Variants in CD58 observed in about 807,000 individuals in gnomAD.
The protein encoded by CD58 is lymphocyte function-associated antigen 3.
CD58 carries 14 observed loss-of-function variants against 27.6 expected under a neutral mutation model. That is an observed-to-expected ratio of 0.51 (90% CI 0.34 to 0.79). The LOEUF (loss-of-function observed/expected upper bound fraction) is 0.79, where lower values mean the gene tolerates loss of function less well. Among genes scored for constraint, CD58 ranks in the 30% least tolerant of loss-of-function variants. The pLI, the probability that CD58 is intolerant of heterozygous loss-of-function variation, is 0.02. For missense variants in CD58, 268 were observed against 301.7 expected, an observed-to-expected ratio of 0.89 and a Z score of 0.83; for synonymous variants, 117 against 103.8, an observed-to-expected ratio of 1.13 and a Z score of -0.77.
At chr1:116,553,131 T>C (rs1411769994) in intron 1 of CD58, among the ~76,000 whole-genome samples, 1 of 152,038 alleles carries the variant, frequency 6.6e-6, no homozygotes, top group Non-Finnish European at 1.5e-5. Context: ...AGAAATGTCT[T>C]TTCACATCCT....
rs759865733 is a variant in CD58 at position 116,546,217 on chromosome 1, G to A, written c.71-1613C>T. ...AGCTATTTTAAGTTAACATTAAAGA[G>A]CAATTAAAATTTGACTGAAGTTTTT... On this transcript the variant is annotated intron_variant, in intron 1 of 5. Coordinates refer to ENST00000369489, the MANE Select transcript of CD58 (RefSeq NM_001779.3). This position sits in a 1 kb window ranked among gnomAD's most constrained non-coding sequence, Gnocchi z 4.1. Among the ~76,000 whole-genome samples the A allele has an allele frequency of 1.3e-5, 2 of 152,200 alleles. No homozygotes were observed. The highest frequency in any genetic ancestry group is 2.9e-5 in the Non-Finnish European group (2 of 68,034).
At chr1:116,533,716 C>T in intron 3 of CD58, 1 of 686,364 alleles carries the variant, frequency 1.5e-6, no homozygotes, top group Non-Finnish European at 2.7e-6. Context: ...TTCATTTTCA[C>T]GGTGCCATTC....
At chr1:116,568,891 A>T (rs764426482) in intron 1 of CD58, among the ~76,000 whole-genome samples, 40 of 152,270 alleles carry the variant, frequency 2.6e-4, no homozygotes, top group Non-Finnish European at 4.1e-4. Flanking sequence ...CTGCATTTGC[A>T]GCTTCCCTAA....
Position 116,559,237 on chromosome 1 carries a change from G to C in CD58, c.70+11666C>G, listed in dbSNP as rs574392262. On this transcript the variant is annotated intron_variant, in intron 1 of 5. Transcript: ENST00000369489. The surrounding 1 kb of genome is among the most constrained non-coding windows in gnomAD (Gnocchi z 4.4). ...GAACATCTGGGGTGAGAGTGAGAAA[G>C]GAGTTATTTCTTGAGAACACGCCTA... Among the ~76,000 whole-genome samples, 1 of 152,226 alleles carries C rather than the reference G, an allele frequency of 6.6e-6. No individual in the cohort carries two copies. Among genetic ancestry groups the C allele is most frequent in the African/African-American group, 2.4e-5 (1 of 41,528 alleles).
intron 1 of CD58, 108 bp from the exon 2 acceptor site, chr1:116,544,712 C>T (rs1017015592): frequency 1.4e-6 from 1 of 709,928 alleles, no homozygotes; most frequent in Non-Finnish European, 2.3e-6. Context: ...ACACAAAATA[C>T]AGGAAGTAAG....
chr1:116,568,779 TGAAGA>T (rs1659030060), intron 1 of CD58, among the ~76,000 whole-genome samples: 1 of 152,160 alleles, frequency 6.6e-6, no homozygotes. Context: ...GGTACTGAAG[TGAAGA>T]GAAGTTAGGG....
intron 1 of CD58, among the ~76,000 whole-genome samples, chr1:116,551,738 C>CTTT (rs1298283594): frequency 3.1e-5 from 4 of 129,736 alleles, no homozygotes; most frequent in Non-Finnish European, 5.0e-5. Context: ...TTCTTTCTTT[C>CTTT]TTTTTTTTTT....
At chr1:116,564,320 C>T (rs1028109276) in intron 1 of CD58, among the ~76,000 whole-genome samples, 3 of 152,206 alleles carry the variant, frequency 2.0e-5, no homozygotes, top group Admixed American at 2.0e-4. Context: ...CCAAACTTTC[C>T]CACATCTTCC....
intron 1 of CD58, among the ~76,000 whole-genome samples, chr1:116,565,663 G>T (rs747974396): frequency 1.4e-5 from 2 of 142,956 alleles, no homozygotes; most frequent in African/African-American, 5.7e-5. Context: ...CCTTGTTTAA[G>T]AAGGGTAGTT....
rs1657761713 is a variant in CD58 at position 116,535,423 on chromosome 1, C to T, written c.628+542G>A. 2.0e-5 allele frequency among the ~76,000 whole-genome samples: 3 copies of T among 152,134 alleles called. No homozygotes were observed. In the South Asian group the frequency reaches 6.2e-4, roughly 32 times the overall value. ...AACAGGGATAAGTACTAGTACACAACTTATAGGTTGTATGAGGATTGATGT... is the reference window on the plus strand; with the variant it reads ...AACAGGGATAAGTACTAGTACACAATTTATAGGTTGTATGAGGATTGATGT... On this transcript the variant is annotated intron_variant, in intron 3 of 5. Transcript: ENST00000369489.
rs1223457924 is a variant in CD58 at position 116,532,638 on chromosome 1, G to A, written c.628+3327C>T. On this transcript the variant is annotated intron_variant, in intron 3 of 5. Transcript: ENST00000369489. The surrounding 1 kb of genome is among the most constrained non-coding windows in gnomAD (Gnocchi z 5.1). Reference sequence around the variant, plus strand: ...ACCCCATCCCACCCCACCCCAATGGGGTCTATGGGGCCCTCCCGCAGGGAA... The same window carrying A: ...ACCCCATCCCACCCCACCCCAATGGAGTCTATGGGGCCCTCCCGCAGGGAA... Among the ~76,000 whole-genome samples the A allele has an allele frequency of 6.6e-6, 1 of 152,188 alleles. No individual in the cohort carries two copies. The highest frequency in any genetic ancestry group is 1.9e-4 in the East Asian group (1 of 5,188).
In CD58 at chr1:116,538,220, G is replaced by A. The variant is rs1211903958; in HGVS notation, c.365-1992C>T. ...AAGACTTTTAATCATCTTTTAAGCA[G>A]TGGAATTTCTCAGAATTAAATCTTC... On this transcript the variant is annotated intron_variant, in intron 2 of 5. Transcript: ENST00000369489. The surrounding 1 kb of genome is among the most constrained non-coding windows in gnomAD (Gnocchi z 4.7). Among the ~76,000 whole-genome samples the A allele has an allele frequency of 2.0e-5, 3 of 152,262 alleles. No homozygotes were observed. The highest frequency in any genetic ancestry group is 2.1e-4 in the South Asian group (1 of 4,824).
intron 1 of CD58, among the ~76,000 whole-genome samples, chr1:116,567,166 C>T (rs1658964104): frequency 8.0e-6 from 1 of 125,244 alleles, no homozygotes; most frequent in Admixed American, 8.6e-5. Flanking sequence ...GGCAATGAAA[C>T]AAAGAAGGAA....
rs1659099119 is a variant in CD58, at chr1:116,570,364, C to T, written c.70+539G>A. On this transcript the variant is annotated intron_variant, in intron 1 of 5. Coordinates refer to ENST00000369489, the MANE Select transcript of CD58 (RefSeq NM_001779.3). This position sits in a 1 kb window ranked among gnomAD's most constrained non-coding sequence, Gnocchi z 6.4. ...CGTGAGGCCGCTGCCGACTGGGCTT[C>T]CTAGTTGCCTACCCGCTCCTCGCTG... Among the ~76,000 whole-genome samples, 1 of 152,210 alleles carries T rather than the reference C, an allele frequency of 6.6e-6. No homozygotes were observed. Among genetic ancestry groups the T allele is most frequent in the African/African-American group, 2.4e-5 (1 of 41,464 alleles).
chr1:116,522,375 A>G lies in CD58; in HGVS notation c.629-392T>C, dbSNP rs752168336. ...AGTTCCTAAGTGCAAGAAGGCTGCGATGTGCCTTGCAGAGAAAATAGGTGT... is the reference window on the plus strand; with the variant it reads ...AGTTCCTAAGTGCAAGAAGGCTGCGGTGTGCCTTGCAGAGAAAATAGGTGT... On this transcript the variant is annotated intron_variant, in intron 3 of 5. Transcript: ENST00000369489. This position sits in a 1 kb window ranked among gnomAD's most constrained non-coding sequence, Gnocchi z 4.6. Among the ~76,000 whole-genome samples the G allele has an allele frequency of 6.6e-6, 1 of 152,208 alleles. No homozygotes were observed. Among genetic ancestry groups the G allele is most frequent in the Non-Finnish European group, 1.5e-5 (1 of 68,040 alleles).
At chr1:116,537,738 T>G (rs1011004433) in intron 2 of CD58, among the ~76,000 whole-genome samples, 1 of 152,230 alleles carries the variant, frequency 6.6e-6, no homozygotes, top group Non-Finnish European at 1.5e-5. Context: ...ATTTGTTAAT[T>G]CATATGCCTT....
chr1:116,540,045 A>C (rs1657944219), intron 2 of CD58, among the ~76,000 whole-genome samples: 1 of 152,230 alleles, frequency 6.6e-6, no homozygotes, highest in Admixed American at 6.5e-5. Context: ...AGGACAGGGC[A>C]GTTAATTCTA....
intron 1 of CD58, among the ~76,000 whole-genome samples, chr1:116,569,984 T>C (rs1025857053): frequency 2.6e-4 from 39 of 152,294 alleles, no homozygotes; most frequent in African/African-American, 9.4e-4. Flanking sequence ...CTGTCTTCCA[T>C]AGATGCACAC....
chr1:116,540,932 C>G (rs1345462387), intron 2 of CD58, among the ~76,000 whole-genome samples: 1 of 152,140 alleles, frequency 6.6e-6, no homozygotes, highest in East Asian at 1.9e-4. Context: ...ACCTCAGCCT[C>G]TTGAGTAGCT....
Sources: allele counts gnomAD v4.1 joint callset (sites outside exome capture counted in the v4.1 genomes callset), GRCh38; gene constraint gnomAD v4.1.1; non-coding constraint Gnocchi (gnomAD v3.1); transcripts MANE v1.5; gene names NCBI Gene and HGNC (gene_info 2026-07-23, HGNC 2026-07-21).